The following FBXO8 variants were observed in gnomAD, a reference collection of about 807,000 sequenced individuals.
The protein encoded by FBXO8 is F-box protein 8.
FBXO8 carries 15 observed loss-of-function variants against 33.4 expected under a neutral mutation model. That is an observed-to-expected ratio of 0.45 (90% CI 0.30 to 0.69). The LOEUF (loss-of-function observed/expected upper bound fraction) is 0.69. FBXO8 is among the 30% of genes least tolerant of loss of function. The pLI, the probability that FBXO8 is intolerant of heterozygous loss-of-function variation, is 0.08. For missense variants in FBXO8, 274 were observed against 380.3 expected, an observed-to-expected ratio of 0.72 and a Z score of 2.32; for synonymous variants, 132 against 131.5, an observed-to-expected ratio of 1.00 and a Z score of -0.02.
Position 174,250,332 on chromosome 4 carries a change from T to G in FBXO8, c.457-9114A>C, listed in dbSNP as rs577538646. 1.1e-4 allele frequency among the ~76,000 whole-genome samples: 17 copies of G among 152,104 alleles called. 1 individual carries two copies. The South Asian group carries it at 3.5e-3, about 31-fold the overall frequency. Reference sequence around the variant, plus strand: ...ATGCTGTAAACTTCCAAGGATTATATAATTCAACCAAGGGAAAAATACAAA... The same window carrying G: ...ATGCTGTAAACTTCCAAGGATTATAGAATTCAACCAAGGGAAAAATACAAA... On this transcript the variant is annotated intron_variant, in intron 3 of 5. Coordinates refer to ENST00000393674, the MANE Select transcript of FBXO8 (RefSeq NM_012180.3).
chr4:174,255,898 A>C lies in FBXO8; in HGVS notation c.456+3801T>G. On this transcript the variant is annotated intron_variant, in intron 3 of 5. Coordinates refer to ENST00000393674, the MANE Select transcript of FBXO8 (RefSeq NM_012180.3). This position sits in a 1 kb window ranked among gnomAD's most constrained non-coding sequence, Gnocchi z 4.3. Reference sequence around the variant, plus strand: ...AACTTAATGTAAACAGATGGTTTTCAGCACATTCCTTTACTAGAATGTGGC... The same window carrying C: ...AACTTAATGTAAACAGATGGTTTTCCGCACATTCCTTTACTAGAATGTGGC... The C allele has an allele frequency of 3.9e-6, 1 of 258,610 alleles. No individual in the cohort carries two copies. The highest frequency in any genetic ancestry group is 8.0e-6 in the Non-Finnish European group (1 of 124,840). 16.0% of individuals were successfully genotyped at this position (258,610 alleles called of 1,614,324 possible).
At chr4:174,282,477 G>T (rs1737132294) in intron 1 of FBXO8, among the ~76,000 whole-genome samples, 1 of 152,068 alleles carries the variant, frequency 6.6e-6, no homozygotes, top group Non-Finnish European at 1.5e-5. Flanking sequence ...GGCTAAAGAT[G>T]AATTTCTGAC....
chr4:174,250,427 T>C (rs1314616881), intron 3 of FBXO8, among the ~76,000 whole-genome samples: 1 of 152,050 alleles, frequency 6.6e-6, no homozygotes, highest in Non-Finnish European at 1.5e-5. Flanking sequence ...CAGCACACTT[T>C]GAAATACCTC....
chr4:174,237,626 T>G lies in FBXO8; in HGVS notation c.773-27A>C. The G allele has an allele frequency of 6.4e-7, 1 of 1,563,902 alleles. No homozygotes were observed. Among genetic ancestry groups the G allele is most frequent in the South Asian group, 1.2e-5 (1 of 85,598 alleles). On this transcript the variant is annotated intron_variant, in intron 5 of 5. Coordinates refer to ENST00000393674, the MANE Select transcript of FBXO8 (RefSeq NM_012180.3). This position sits in a 1 kb window ranked among gnomAD's most constrained non-coding sequence, Gnocchi z 4.4. ...TGGAAAGAAAAAGAAACAGTTCAAATTATTAGTTGGTTTACAAAATATGAT... is the reference window on the plus strand; with the variant it reads ...TGGAAAGAAAAAGAAACAGTTCAAAGTATTAGTTGGTTTACAAAATATGAT...
chr4:174,242,457 A>G (rs1258175720), intron 3 of FBXO8, among the ~76,000 whole-genome samples: 1 of 151,580 alleles, frequency 6.6e-6, no homozygotes, highest in Non-Finnish European at 1.5e-5. Context: ...TTTATATAAA[A>G]CTAACTTTAT....
At chr4:174,268,610 TA>T (rs1195684323) in intron 1 of FBXO8, among the ~76,000 whole-genome samples, 1 of 35,444 alleles carries the variant, frequency 2.8e-5, no homozygotes, top group East Asian at 7.7e-4. Context: ...TAATTTTTTG[TA>T]TTTTTTAGTA....
rs1303881932 is a variant in FBXO8 at position 174,256,947 on chromosome 4, T to C, written c.456+2752A>G. On this transcript the variant is annotated intron_variant, in intron 3 of 5. Coordinates refer to ENST00000393674, the MANE Select transcript of FBXO8 (RefSeq NM_012180.3). The surrounding 1 kb of genome is among the most constrained non-coding windows in gnomAD (Gnocchi z 4.6). ...AAAAGAAAATACAGCCAACTCTCAA[T>C]AACAATGGAAGGTAGGATAGATAAG... is the stretch of plus-strand genomic sequence containing the variant. 6.6e-6 allele frequency among the ~76,000 whole-genome samples: 1 copy of C among 151,888 alleles called. No homozygotes were observed. Among genetic ancestry groups the C allele is most frequent in the Admixed American group, 6.6e-5 (1 of 15,250 alleles).
rs1337929006 is a variant in FBXO8, at chr4:174,265,611, A to G, written c.-8-2511T>C. 6.6e-6 allele frequency among the ~76,000 whole-genome samples: 1 copy of G among 152,210 alleles called. No homozygotes were observed. Among genetic ancestry groups the G allele is most frequent in the Non-Finnish European group, 1.5e-5 (1 of 68,002 alleles). The stretch of plus-strand genomic sequence containing the variant: ...TAAGTAAAAGAAGCAAATCTAAAAA[A>G]GTTCTTTACTGTATGATTCTAATTA... On this transcript the variant is annotated intron_variant, in intron 1 of 5. Transcript: ENST00000393674. This position sits in a 1 kb window ranked among gnomAD's most constrained non-coding sequence, Gnocchi z 4.7.
At position 174,278,338 on chromosome 4, in the gene FBXO8, A is replaced by C. The variant is rs1176547402; in HGVS notation, c.-9+5072T>G. On this transcript the variant is annotated intron_variant, in intron 1 of 5. Transcript: ENST00000393674. The surrounding 1 kb of genome is among the most constrained non-coding windows in gnomAD (Gnocchi z 4.1). ...CATTTGCAGGTTTTGGTTTTTTTTA[A>C]TTCAAAAAGATTTACAATATTACTT... Among the ~76,000 whole-genome samples, 1 of 152,020 alleles carries C rather than the reference A, an allele frequency of 6.6e-6. No homozygotes were observed. The highest frequency in any genetic ancestry group is 1.5e-5 in the Non-Finnish European group (1 of 67,914).
At chr4:174,242,568 T>C (rs964904448) in intron 3 of FBXO8, among the ~76,000 whole-genome samples, 1 of 151,500 alleles carries the variant, frequency 6.6e-6, no homozygotes, top group Non-Finnish European at 1.5e-5. Context: ...AAAATGTACA[T>C]GAAGAAAAGA....
Position 174,281,684 on chromosome 4 carries a change from T to C in FBXO8, c.-9+1726A>G, listed in dbSNP as rs1052413056. Among the ~76,000 whole-genome samples the C allele has an allele frequency of 3.3e-5, 5 of 152,062 alleles. No homozygotes were observed. Among genetic ancestry groups the C allele is most frequent in the African/African-American group, 1.2e-4 (5 of 41,394 alleles). ...TCCAGCCTGGGCAACAGAATAAAAA[T>C]CTGTCTCAAAAAAATACTTGCCCCA... On this transcript the variant is annotated intron_variant, in intron 1 of 5. Transcript: ENST00000393674. The surrounding 1 kb of genome is among the most constrained non-coding windows in gnomAD (Gnocchi z 4.6).
At chr4:174,243,690 C>T (rs969357494) in intron 3 of FBXO8, among the ~76,000 whole-genome samples, 2 of 151,028 alleles carry the variant, frequency 1.3e-5, no homozygotes, top group Non-Finnish European at 3.0e-5. Context: ...AAGAATGGTA[C>T]AGAGAAACTC....
chr4:174,271,806 A>T (rs540990024), intron 1 of FBXO8, among the ~76,000 whole-genome samples: 16 of 152,286 alleles, frequency 1.1e-4, no homozygotes, highest in Admixed American at 9.2e-4. Flanking sequence ...CAATTACTTG[A>T]TTTATTTTTC....
In FBXO8 at chr4:174,245,524, T is replaced by C. The variant is rs968949576; in HGVS notation, c.457-4306A>G. Among the ~76,000 whole-genome samples the C allele has an allele frequency of 5.3e-5, 8 of 151,822 alleles. 1 individual carries two copies. Among genetic ancestry groups the C allele is most frequent in the African/African-American group, 1.9e-4 (8 of 41,410 alleles). On this transcript the variant is annotated intron_variant, in intron 3 of 5. Transcript: ENST00000393674. This position sits in a 1 kb window ranked among gnomAD's most constrained non-coding sequence, Gnocchi z 4.6. ...GAAATATTTTGGGTTGGAGAGTAAA[T>C]GTACAACCAGACTATGACAGTGACA...
intron 3 of FBXO8, among the ~76,000 whole-genome samples, chr4:174,249,764 T>C (rs1436816936): frequency 6.6e-6 from 1 of 151,976 alleles, no homozygotes; most frequent in African/African-American, 2.4e-5. Context: ...CCCCTAATTA[T>C]TGCTTAAATG....
intron 1 of FBXO8, among the ~76,000 whole-genome samples, chr4:174,273,367 G>C (rs1736883757): frequency 1.5e-5 from 2 of 136,576 alleles, no homozygotes; most frequent in South Asian, 4.5e-4. Context: ...TGGAAGAACA[G>C]TTTTGGATTA....
chr4:174,241,248 A>C lies in FBXO8; in HGVS notation c.457-30T>G. The C allele has an allele frequency of 7.5e-7, 1 of 1,332,498 alleles. No homozygotes were observed. Among genetic ancestry groups the C allele is most frequent in the Non-Finnish European group, 1.1e-6 (1 of 944,718 alleles). 82.5% of individuals were successfully genotyped at this position (1,332,498 alleles called of 1,614,324 possible). A position where few individuals can be genotyped will look rare whatever the true frequency, so the allele number is the denominator to read the frequency against. On this transcript the variant is annotated intron_variant, in intron 3 of 5. Transcript: ENST00000393674. The surrounding 1 kb of genome is among the most constrained non-coding windows in gnomAD (Gnocchi z 4.2). ...GGCAGAAAGACAAGTCTACATAAAT[A>C]AAATTGCTCTTTATTTATGCATTTT...
At chr4:174,238,762 T>C (rs996670481) in intron 5 of FBXO8, among the ~76,000 whole-genome samples, 1 of 100,578 alleles carries the variant, frequency 9.9e-6, no homozygotes, top group African/African-American at 3.4e-5. Flanking sequence ...TAGCCATGTA[T>C]ATATATATAT....
chr4:174,243,863 A>G lies in FBXO8; in HGVS notation c.457-2645T>C, dbSNP rs1182825090. Among the ~76,000 whole-genome samples the G allele has an allele frequency of 2.0e-5, 3 of 151,274 alleles. No individual in the cohort carries two copies. The East Asian group carries it at 5.8e-4, about 29-fold the overall frequency. ...GGAAGGTTGTAGCTCAGTATAGTCT[A>G]CAAAATTGACTATAAAAGTTTCCAA... On this transcript the variant is annotated intron_variant, in intron 3 of 5. Transcript: ENST00000393674.
Sources: allele counts gnomAD v4.1 joint callset (sites outside exome capture counted in the v4.1 genomes callset), GRCh38; gene constraint gnomAD v4.1.1; non-coding constraint Gnocchi (gnomAD v3.1); transcripts MANE v1.5; gene names NCBI Gene and HGNC (gene_info 2026-07-23, HGNC 2026-07-21).